The following DNAH2 variants were observed in gnomAD, a reference collection of about 807,000 sequenced individuals.
DNAH2 encodes the protein axonemal beta dynein heavy chain 2.
A neutral mutation model predicts 523.5 loss-of-function variants in DNAH2; 323 were observed. The observed-to-expected ratio is 0.62, with a 90% CI of 0.56 to 0.68. The LOEUF is 0.68. Among genes scored for constraint, DNAH2 ranks in the 30% least tolerant of loss-of-function variants. DNAH2 has a pLI of 0.00. For synonymous variants in DNAH2, 2,093 were observed against 2,177.4 expected, an observed-to-expected ratio of 0.96 and a Z score of 1.08; for missense variants, 4,907 against 5,701.5, an observed-to-expected ratio of 0.86 and a Z score of 4.49.
rs143034272 is a variant in DNAH2 at position 7,817,625 on chromosome 17, C to A, written c.10085C>A (p.Thr3362Asn). The change falls in exon 66 of 86, where the codon ACC (threonine) becomes AAC (asparagine). Residue 3362 changes from threonine to asparagine, a missense_variant. Coordinates refer to ENST00000572933, the MANE Select transcript of DNAH2 (RefSeq NM_020877.5). ...ATCGATAACTTCCTGTGCAATCCTA[C>A]CAAAGTCCGGGACTGGAACATCCAA... ...FAIDNFLCNPTKVRDWNIQGL... is the reference protein window; with the variant it reads ...FAIDNFLCNPNKVRDWNIQGL... 1.2e-6 allele frequency: 2 copies of A among 1,614,026 alleles called. No homozygotes were observed. Among genetic ancestry groups the A allele is most frequent in the Non-Finnish European group, 1.7e-6 (2 of 1,180,032 alleles).
At chr17:7,725,740 C>A (rs932965208) in intron 3 of DNAH2, among the ~76,000 whole-genome samples, 1 of 136,146 alleles carries the variant, frequency 7.3e-6, no homozygotes, top group Non-Finnish European at 1.5e-5. Context: ...TGAGCCACCA[C>A]GCCTGGCCAA....
Position 7,798,870 on chromosome 17 carries a change from C to G in DNAH2, c.8559+152C>G. 1.6e-6 allele frequency: 2 copies of G among 1,263,442 alleles called. No homozygotes were observed. Among genetic ancestry groups the G allele is most frequent in the South Asian group, 2.8e-5 (2 of 70,640 alleles). The allele number at this position is 1,263,442 out of a possible 1,614,324, so 78.3% of individuals were successfully genotyped here. A position where few individuals can be genotyped will look rare whatever the true frequency, so the allele number is the denominator to read the frequency against. ...GCCCTGTAAGGTGGAAGGTCCCCTC[C>G]AGGGACCCTGGGCAGAGCTGCTTTA... On this transcript the variant is annotated intron_variant, in intron 55 of 85. Transcript: ENST00000572933. The surrounding 1 kb of genome is among the most constrained non-coding windows in gnomAD (Gnocchi z 5.5).
intron 67 of DNAH2, 22 bp downstream of exon 67, chr17:7,817,878 T>C (rs12953179): frequency 0.051 from 82,607 of 1,609,772 alleles, 2,497 homozygotes; most frequent in Middle Eastern, 0.089. Context: ...GGGGGTCAGG[T>C]TAGCCCCCCC....
intron 12 of DNAH2, among the ~76,000 whole-genome samples, chr17:7,747,469 G>A (rs376713925): frequency 7.9e-5 from 12 of 152,134 alleles, no homozygotes; most frequent in Admixed American, 7.9e-4. Context: ...CGTGCTGGTG[G>A]ATTTCAACTG....
At chr17:7,732,180 A>G (rs973917171) in intron 4 of DNAH2, among the ~76,000 whole-genome samples, 1 of 151,828 alleles carries the variant, frequency 6.6e-6, no homozygotes, top group African/African-American at 2.4e-5. Context: ...CGCGCTTGTA[A>G]TCCCAGCGCT....
intron 60 of DNAH2, 72 bp downstream of exon 60, chr17:7,805,146 T>C: frequency 6.3e-7 from 1 of 1,597,404 alleles, no homozygotes; most frequent in Non-Finnish European, 8.6e-7. Flanking sequence ...CCAGTCTTCT[T>C]TGTCCTCAAA....
intron 77 of DNAH2, 41 bp from the exon 78 acceptor site, chr17:7,830,259 G>A: frequency 6.3e-7 from 1 of 1,579,080 alleles, no homozygotes. Context: ...AGGTCTGAGT[G>A]TGATGCATGT....
chr17:7,768,893 G>A (rs2076241734), intron 24 of DNAH2, among the ~76,000 whole-genome samples: 1 of 152,176 alleles, frequency 6.6e-6, no homozygotes, highest in African/African-American at 2.4e-5. Context: ...CTTTCCTGAG[G>A]CTGAAGAGTA....
Position 7,774,926 on chromosome 17 carries a change from CCA to C in DNAH2, c.4673_4674del (p.His1558ProfsTer6), listed in dbSNP as rs1159389770. 1.2e-6 allele frequency: 2 copies of C among 1,614,112 alleles called. No individual in the cohort carries two copies. Among genetic ancestry groups the C allele is most frequent in the Non-Finnish European group, 1.7e-6 (2 of 1,180,036 alleles). ...GQSRNPEAVQ[P>X]HLKKCFDNIK... is the part of the protein sequence containing the mutation. The stretch of plus-strand genomic sequence containing the variant: ...GTCCCGAAACCCAGAGGCTGTGCAG[CCA>C]CACCTCAAAAAATGCTTTGACAACA... On this transcript the variant is annotated frameshift_variant, in exon 29 of 86. Coordinates refer to ENST00000572933, the MANE Select transcript of DNAH2 (RefSeq NM_020877.5). LOFTEE classifies it high-confidence loss of function.
At chr17:7,719,089 A>G (rs938222598) in intron 1 of DNAH2, among the ~76,000 whole-genome samples, 5 of 149,522 alleles carry the variant, frequency 3.3e-5, no homozygotes, top group African/African-American at 1.2e-4. Context: ...GGGCAGAGAT[A>G]GAGGTTCTAA....
rs1016554766 is a variant in DNAH2, at chr17:7,801,031, G to C, written c.8700-547G>C. Among the ~76,000 whole-genome samples the C allele has an allele frequency of 2.0e-5, 3 of 151,302 alleles. No homozygotes were observed. In the South Asian group the frequency reaches 6.3e-4, roughly 32 times the overall value. On this transcript the variant is annotated intron_variant, in intron 56 of 85. Transcript: ENST00000572933. ...GGGACTACAAGCGCATGCCACCACG[G>C]CCAGCTAATTTTCGTACTTTTTGTA...
At position 7,801,884 on chromosome 17, in the gene DNAH2, A is replaced by G. The variant is rs746721135; in HGVS notation, c.8839A>G (p.Arg2947Gly). 5.6e-6 allele frequency: 9 copies of G among 1,614,118 alleles called. No individual in the cohort carries two copies. The South Asian group carries it at 9.9e-5, about 18-fold the overall frequency. Residue 2947 changes from arginine to glycine, a missense_variant, in exon 58 of 86, where the codon AGG becomes GGG. Arg to Gly is a moderately radical substitution (Grantham distance 125). This residue lies in a region of DNAH2 where 1,851 missense variants were observed against 2,139.4 expected (regional missense o/e 0.87). Transcript: ENST00000572933. Reference sequence around the variant, plus strand: ...CCTGTGTCACTGGCCTCAGATCCACAGGAAGGTGGCCCAGATCTTTGTCAC... The same window carrying G: ...CCTGTGTCACTGGCCTCAGATCCACGGGAAGGTGGCCCAGATCTTTGTCAC... ...VDLGTQENIH[R>G]KVAQIFVTMH... is the part of the protein sequence containing the mutation.
intron 78 of DNAH2, 26 bp downstream of exon 78, chr17:7,830,517 C>T (rs1011319023): frequency 6.2e-7 from 1 of 1,611,408 alleles, no homozygotes; most frequent in Non-Finnish European, 8.5e-7. Flanking sequence ...GGGTCCTCAT[C>T]CCAGCCCTCT....
Position 7,760,829 on chromosome 17 carries a change from T to A in DNAH2, c.2875T>A (p.Trp959Arg). 2 of 1,614,198 alleles carry A rather than the reference T, an allele frequency of 1.2e-6. No individual in the cohort carries two copies. The highest frequency in any genetic ancestry group is 1.1e-5 in the South Asian group (1 of 91,088). ...ASLLQNYLKT[W>R]DMYREIWEIN... is the part of the protein sequence containing the mutation. ...CCTGCTGCAGAACTACCTCAAGACCTGGGACATGTACCGGGAGATCTGGGA... is the reference window on the plus strand; with the variant it reads ...CCTGCTGCAGAACTACCTCAAGACCAGGGACATGTACCGGGAGATCTGGGA... Residue 959 changes from tryptophan (W) to arginine (R), a missense_variant, in exon 18 of 86, where the codon TGG becomes AGG. Coordinates refer to ENST00000572933, the MANE Select transcript of DNAH2 (RefSeq NM_020877.5). The surrounding 1 kb of genome is among the most constrained non-coding windows in gnomAD (Gnocchi z 4.0).
Position 7,831,376 on chromosome 17 carries a change from T to C in DNAH2, c.12460-14T>C. The C allele has an allele frequency of 6.2e-7, 1 of 1,614,116 alleles. No homozygotes were observed. The highest frequency in any genetic ancestry group is 8.5e-7 in the Non-Finnish European group (1 of 1,180,024). ...AGAAGAGGGGGCTACACTCAAGAGC[T>C]CCTGCCTGCTCAGGTCCTTGAGTTG... On this transcript the variant is annotated splice_polypyrimidine_tract_variant and intron_variant, in intron 80 of 85. Transcript: ENST00000572933. This position sits in a 1 kb window ranked among gnomAD's most constrained non-coding sequence, Gnocchi z 4.2.
At chr17:7,737,400 G>T (rs1299683231) in intron 8 of DNAH2, 142 bp downstream of exon 8, 1 of 905,672 alleles carries the variant, frequency 1.1e-6, no homozygotes, top group Non-Finnish European at 1.6e-6. Flanking sequence ...AGCTCAGAAG[G>T]CTTCTACCGG....
chr17:7,760,935 G>A lies in DNAH2; in HGVS notation c.2978+3G>A, dbSNP rs2075987864. ...TCTTTTGTTGCCGACATTGCCCGGT[G>A]AGTGGTGAGGGTGGATTGAAAGTCT... On this transcript the variant is annotated splice_donor_region_variant and intron_variant, in intron 18 of 85. Coordinates refer to ENST00000572933, the MANE Select transcript of DNAH2 (RefSeq NM_020877.5). This position sits in a 1 kb window ranked among gnomAD's most constrained non-coding sequence, Gnocchi z 4.0. 1.9e-6 allele frequency: 3 copies of A among 1,613,738 alleles called. No homozygotes were observed. Among genetic ancestry groups the A allele is most frequent in the Non-Finnish European group, 8.5e-7 (1 of 1,179,842 alleles).
Position 7,786,760 on chromosome 17 carries a change from G to T in DNAH2, c.6466+73G>T, listed in dbSNP as rs534267262. ...AAGGGGGCAGGGAGTCTGGGGATAGGAAGTTCCAAGTTGGGAGAGAAATGC... is the reference window on the plus strand; with the variant it reads ...AAGGGGGCAGGGAGTCTGGGGATAGTAAGTTCCAAGTTGGGAGAGAAATGC... On this transcript the variant is annotated intron_variant, in intron 41 of 85. Transcript: ENST00000572933. This position sits in a 1 kb window ranked among gnomAD's most constrained non-coding sequence, Gnocchi z 7.5. 2.9e-3 allele frequency: 4,715 copies of T among 1,598,832 alleles called. 41 individuals carry two copies. Among genetic ancestry groups the T allele is most frequent in the Non-Finnish European group, 2.2e-3 (2,551 of 1,168,602 alleles).
intron 13 of DNAH2, 73 bp from the exon 14 acceptor site, chr17:7,758,422 C>A: frequency 6.6e-7 from 1 of 1,526,486 alleles, no homozygotes; most frequent in Non-Finnish European, 8.8e-7. Context: ...CACATTTCTC[C>A]ACTGTTTCCT....
Sources: allele counts gnomAD v4.1 joint callset (sites outside exome capture counted in the v4.1 genomes callset), GRCh38; gene constraint gnomAD v4.1.1; regional missense constraint gnomAD v4.1.1; non-coding constraint Gnocchi (gnomAD v3.1); transcripts MANE v1.5; gene names NCBI Gene and HGNC (gene_info 2026-07-23, HGNC 2026-07-21).